Variants in TNIK observed in about 807,000 individuals in gnomAD.
TNIK encodes the protein TRAF2 and NCK interacting kinase, also known as TRAF2 and NCK-interacting protein kinase.
TNIK carries 49 observed loss-of-function variants against 191.3 expected under a neutral mutation model. The observed-to-expected ratio is 0.26, with a 90% CI of 0.20 to 0.32. The LOEUF (loss-of-function observed/expected upper bound fraction) is 0.32, where lower values mean the gene tolerates loss of function less well. Among genes scored for constraint, TNIK ranks in the 10% least tolerant of loss-of-function variants. The probability of loss-of-function intolerance (pLI) is 1.00; values close to 1 mark genes in which losing one functional copy is unlikely to be tolerated. For missense variants in TNIK, 1,155 were observed against 1,702.3 expected, an observed-to-expected ratio of 0.68 and a Z score of 5.66; for synonymous variants, 594 against 600.9, an observed-to-expected ratio of 0.99 and a Z score of 0.17.
In TNIK at chr3:171,443,241, C is replaced by T. The variant is rs185464601; in HGVS notation, c.57+16766G>A. The stretch of plus-strand genomic sequence containing the variant: ...CACCAGCAACAGAACCACCTGGTTC[C>T]ACTGCTACCCAGAGTATCCATGCTC... On this transcript the variant is annotated intron_variant, in intron 1 of 32. Coordinates refer to ENST00000436636, the MANE Select transcript of TNIK (RefSeq NM_015028.4). 3.3e-5 allele frequency among the ~76,000 whole-genome samples: 5 copies of T among 152,244 alleles called. No homozygotes were observed. The East Asian group carries it at 9.6e-4, about 29-fold the overall frequency.
At chr3:171,204,946 G>A (rs1314202334) in intron 4 of TNIK, among the ~76,000 whole-genome samples, 1 of 152,150 alleles carries the variant, frequency 6.6e-6, no homozygotes, top group East Asian at 1.9e-4. Context: ...GACTCTCTGA[G>A]CCTAGTTTCC....
chr3:171,411,260 A>G (rs13099930), intron 1 of TNIK, among the ~76,000 whole-genome samples: 94,218 of 151,666 alleles, frequency 0.62, 30,399 homozygotes, highest in African/African-American at 0.68. Flanking sequence ...TTTTTTTGTA[A>G]AGATAAGGTC....
intron 1 of TNIK, among the ~76,000 whole-genome samples, chr3:171,443,154 C>T (rs899498640): frequency 6.6e-6 from 1 of 152,204 alleles, no homozygotes; most frequent in African/African-American, 2.4e-5. Context: ...ACAGAAGAAG[C>T]AGAGGCCTTT....
intron 4 of TNIK, among the ~76,000 whole-genome samples, chr3:171,200,289 G>T (rs1292541297): frequency 6.6e-6 from 1 of 152,174 alleles, no homozygotes; most frequent in Non-Finnish European, 1.5e-5. Flanking sequence ...GTGGTTGGGG[G>T]CAGGATGAGG....
intron 28 of TNIK, among the ~76,000 whole-genome samples, chr3:171,074,689 C>A (rs190650278): frequency 2.0e-4 from 30 of 152,152 alleles, no homozygotes; most frequent in Non-Finnish European, 2.9e-4. Flanking sequence ...CTTGGATATA[C>A]AATTTGCTTT....
chr3:171,149,535 A>G (rs1473126465), intron 12 of TNIK, among the ~76,000 whole-genome samples: 1 of 152,204 alleles, frequency 6.6e-6, no homozygotes, highest in Non-Finnish European at 1.5e-5. Context: ...CAAAGCGGAC[A>G]AAGTCAGAAC....
At chr3:171,238,823 C>T (rs1744617704) in intron 2 of TNIK, among the ~76,000 whole-genome samples, 1 of 152,170 alleles carries the variant, frequency 6.6e-6, no homozygotes, top group African/African-American at 2.4e-5. Flanking sequence ...CAGCAGACGA[C>T]GAATTGTTCT....
intron 2 of TNIK, among the ~76,000 whole-genome samples, chr3:171,335,890 T>C (rs1210255569): frequency 6.6e-6 from 1 of 152,190 alleles, no homozygotes; most frequent in Non-Finnish European, 1.5e-5. Flanking sequence ...TACATTCCTA[T>C]CAGCAAGGTA....
chr3:171,152,919 C>CG (rs1732654829), intron 12 of TNIK, among the ~76,000 whole-genome samples: 1 of 151,912 alleles, frequency 6.6e-6, no homozygotes, highest in South Asian at 2.1e-4. Flanking sequence ...CTACAGGCGC[C>CG]TGCCACCACA....
At chr3:171,342,340 T>C (rs572376579) in intron 2 of TNIK, among the ~76,000 whole-genome samples, 1 of 152,204 alleles carries the variant, frequency 6.6e-6, no homozygotes, top group Non-Finnish European at 1.5e-5. Context: ...CTGGTCTAGA[T>C]TAAATTGTGA....
At chr3:171,107,338 A>C in intron 20 of TNIK, 132 bp from the exon 21 acceptor site, 1 of 764,662 alleles carries the variant, frequency 1.3e-6, no homozygotes, top group Non-Finnish European at 2.1e-6. Context: ...AGAGAATGTC[A>C]ATCCAGAATG....
intron 2 of TNIK, among the ~76,000 whole-genome samples, chr3:171,254,082 T>C (rs1746569310): frequency 6.6e-6 from 1 of 152,208 alleles, no homozygotes; most frequent in South Asian, 2.1e-4. Flanking sequence ...GTGCAAATGA[T>C]TAATATTAAA....
chr3:171,118,551 A>G (rs1263335754), intron 18 of TNIK, among the ~76,000 whole-genome samples: 2 of 152,214 alleles, frequency 1.3e-5, no homozygotes, highest in Non-Finnish European at 2.9e-5. Flanking sequence ...CTACAAGGCT[A>G]CAGTAACCAA....
chr3:171,156,796 G>T (rs1187116545), intron 12 of TNIK, among the ~76,000 whole-genome samples: 1 of 152,308 alleles, frequency 6.6e-6, no homozygotes, highest in East Asian at 1.9e-4. Flanking sequence ...GGGTACTAAG[G>T]GATGTCTGGG....
rs867347961 is a variant in TNIK at position 171,084,238 on chromosome 3, T to C, written c.3086A>G (p.Asn1029Ser). Residue 1029 changes from asparagine (N) to serine (S), a missense_variant, in exon 26 of 33, where the codon AAC becomes AGC. Asn to Ser is a conservative substitution (Grantham distance 46, BLOSUM62 1). Around this residue, in one of 3 missense-constraint regions of TNIK, gnomAD observed 195 missense variants for 415.4 expected, o/e 0.47. Transcript: ENST00000436636. Reference protein sequence around the residue: ...KISVVNVNPTNIRPHSDTPEI... With the variant: ...KISVVNVNPTSIRPHSDTPEI... The stretch of plus-strand genomic sequence containing the variant: ...TGGTGTGTCGCTATGAGGCCGAATG[T>C]TGGTTGGGTTTACATTTACCACCGA... The C allele has an allele frequency of 6.2e-7, 1 of 1,613,830 alleles. No homozygotes were observed. Among genetic ancestry groups the C allele is most frequent in the Non-Finnish European group, 8.5e-7 (1 of 1,179,826 alleles).
At chr3:171,252,253 A>G (rs922936120) in intron 2 of TNIK, among the ~76,000 whole-genome samples, 1 of 152,194 alleles carries the variant, frequency 6.6e-6, no homozygotes, top group Non-Finnish European at 1.5e-5. Context: ...TTGGGCATAC[A>G]GTAGGTGCTA....
At chr3:171,223,010 T>C (rs1742545921) in intron 3 of TNIK, among the ~76,000 whole-genome samples, 1 of 152,248 alleles carries the variant, frequency 6.6e-6, no homozygotes, top group Admixed American at 6.5e-5. Context: ...CAAAGTGTTC[T>C]ACTGAGAAAA....
intron 15 of TNIK, among the ~76,000 whole-genome samples, chr3:171,137,527 C>T (rs1560165992): frequency 6.6e-6 from 1 of 152,178 alleles, no homozygotes; most frequent in Non-Finnish European, 1.5e-5. Context: ...GTTTGCTTTA[C>T]CTGTCTGGCT....
intron 2 of TNIK, among the ~76,000 whole-genome samples, chr3:171,345,404 C>A (rs1056400665): frequency 6.6e-6 from 1 of 152,010 alleles, no homozygotes; most frequent in South Asian, 2.1e-4. Flanking sequence ...TGACAAAGAG[C>A]AAGCTGTTAT....
Sources: gnomAD v4.1 joint callset for allele counts (sites outside exome capture counted in the v4.1 genomes callset) on GRCh38, gnomAD v4.1.1 for gene constraint, gnomAD v4.1.1 regional missense constraint, MANE v1.5 for transcripts, NCBI Gene and HGNC (gene_info 2026-07-23, HGNC 2026-07-21) for gene names.